The following EFHD1 variants were observed in gnomAD, a reference collection of about 807,000 sequenced individuals.
EFHD1 encodes EF-hand domain family member D1.
EFHD1 carries 10 observed loss-of-function variants against 17.2 expected under a neutral mutation model. The ratio of observed to expected loss-of-function variants is 0.58; its 90% CI spans 0.36 to 0.99. The LOEUF (loss-of-function observed/expected upper bound fraction) is 0.99. Ranked by LOEUF, EFHD1 falls within the 50% of genes least tolerant of loss-of-function variation. The pLI, the probability that EFHD1 is intolerant of heterozygous loss-of-function variation, is 0.01. For synonymous variants in EFHD1, 153 were observed against 142.0 expected, an observed-to-expected ratio of 1.08 and a Z score of -0.55; for missense variants, 310 against 327.5, an observed-to-expected ratio of 0.95 and a Z score of 0.41.
chr2:232,614,072 A>G (rs1327846104), intron 1 of EFHD1, among the ~76,000 whole-genome samples: 1 of 151,816 alleles, frequency 6.6e-6, no homozygotes, highest in African/African-American at 2.4e-5. Flanking sequence ...ATGCACACAC[A>G]TTATACACAC....
intron 2 of EFHD1, among the ~76,000 whole-genome samples, chr2:232,672,011 AT>A (rs1695078078): frequency 6.6e-6 from 1 of 151,104 alleles, no homozygotes; most frequent in South Asian, 2.1e-4. Flanking sequence ...AGCCGAGATC[AT>A]GCCATTGCAC....
chr2:232,646,507 T>C (rs1694532082), intron 1 of EFHD1, among the ~76,000 whole-genome samples: 1 of 139,494 alleles, frequency 7.2e-6, no homozygotes, highest in African/African-American at 2.7e-5. Flanking sequence ...TACAGTGGCA[T>C]GATCTCCGCT....
At chr2:232,618,298 G>A (rs574420312) in intron 1 of EFHD1, among the ~76,000 whole-genome samples, 1 of 152,256 alleles carries the variant, frequency 6.6e-6, no homozygotes, top group South Asian at 2.1e-4. Context: ...AGGATTACAG[G>A]TGTGAGCCAC....
chr2:232,663,244 T>C (rs947479812), intron 2 of EFHD1, among the ~76,000 whole-genome samples: 1 of 152,244 alleles, frequency 6.6e-6, no homozygotes, highest in African/African-American at 2.4e-5. Context: ...GGTGCTTTTA[T>C]AATGTTATGC....
At chr2:232,674,548 C>T (rs1011940676) in intron 3 of EFHD1, among the ~76,000 whole-genome samples, 1 of 152,162 alleles carries the variant, frequency 6.6e-6, no homozygotes, top group African/African-American at 2.4e-5. Context: ...ATTTTTATAA[C>T]TGGAGAAAAG....
chr2:232,665,567 G>A lies in EFHD1; in HGVS notation c.450+2618G>A, dbSNP rs574365755. Among the ~76,000 whole-genome samples the A allele has an allele frequency of 1.3e-3, 191 of 152,202 alleles. 1 individual carries two copies. The highest frequency in any genetic ancestry group is 4.5e-3 in the African/African-American group (185 of 41,542). Reference sequence around the variant, plus strand: ...CTCCTGAGTAGCTGGGACTACAGGCGCATGCCATCATGCCTGGCTAACTTC... The same window carrying A: ...CTCCTGAGTAGCTGGGACTACAGGCACATGCCATCATGCCTGGCTAACTTC... On this transcript the variant is annotated intron_variant, in intron 2 of 3. Transcript: ENST00000264059.
intron 1 of EFHD1, chr2:232,611,994 C>T (rs890073065): frequency 6.6e-6 from 1 of 152,184 alleles, no homozygotes; most frequent in Non-Finnish European, 1.5e-5. Context: ...ATGTGGAAAC[C>T]TTAACAGCAG....
At chr2:232,650,995 C>A (rs1028643115) in intron 1 of EFHD1, among the ~76,000 whole-genome samples, 1 of 152,206 alleles carries the variant, frequency 6.6e-6, no homozygotes, top group Admixed American at 6.5e-5. Flanking sequence ...ATAAGCCTGA[C>A]AGCATTTGAA....
intron 1 of EFHD1, among the ~76,000 whole-genome samples, chr2:232,613,667 C>T (rs545736383): frequency 6.7e-6 from 1 of 149,550 alleles, no homozygotes; most frequent in African/African-American, 2.5e-5. Flanking sequence ...CAAATACACA[C>T]ACACAAATAT....
At chr2:232,623,050 T>A (rs746999061) in intron 1 of EFHD1, among the ~76,000 whole-genome samples, 2 of 152,188 alleles carry the variant, frequency 1.3e-5, no homozygotes, top group Non-Finnish European at 1.5e-5. Context: ...TCTTTTCTTT[T>A]CTTTTCTTTT....
At chr2:232,679,644 T>C (rs1695238169) in intron 3 of EFHD1, among the ~76,000 whole-genome samples, 1 of 149,808 alleles carries the variant, frequency 6.7e-6, no homozygotes, top group African/African-American at 2.5e-5. Flanking sequence ...AGCTCGGGAG[T>C]TCGAGGCTGC....
At chr2:232,637,430 A>G (rs1574711459) in intron 1 of EFHD1, among the ~76,000 whole-genome samples, 1 of 138,212 alleles carries the variant, frequency 7.2e-6, no homozygotes, top group South Asian at 2.2e-4. Flanking sequence ...TGCAAGCTCC[A>G]CCTCTTGGGT....
intron 1 of EFHD1, among the ~76,000 whole-genome samples, chr2:232,621,726 A>G (rs1694022322): frequency 6.6e-6 from 1 of 152,220 alleles, no homozygotes; most frequent in South Asian, 2.1e-4. Context: ...TGCTGGGATT[A>G]CAGGCGTGAG....
At chr2:232,628,572 A>G (rs914455240) in intron 1 of EFHD1, among the ~76,000 whole-genome samples, 4 of 152,182 alleles carry the variant, frequency 2.6e-5, no homozygotes, top group Non-Finnish European at 5.9e-5. Flanking sequence ...CTTGCAGATC[A>G]GACTTTCCCA....
chr2:232,641,803 G>C (rs1030409922), intron 1 of EFHD1, among the ~76,000 whole-genome samples: 1 of 152,210 alleles, frequency 6.6e-6, no homozygotes, highest in South Asian at 2.1e-4. Context: ...CCTCCCATCA[G>C]TGGCCTCAGG....
chr2:232,644,299 G>C (rs1332028552), intron 1 of EFHD1, among the ~76,000 whole-genome samples: 1 of 151,960 alleles, frequency 6.6e-6, no homozygotes, highest in East Asian at 1.9e-4. Flanking sequence ...TTCTCATCGG[G>C]GGTGCCATGC....
intron 1 of EFHD1, chr2:232,638,242 A>G: frequency 2.3e-6 from 1 of 426,026 alleles, no homozygotes; most frequent in Non-Finnish European, 4.8e-6. Flanking sequence ...GCCTCTTTCA[A>G]AGGGAGGCAA....
At chr2:232,634,041 C>T in intron 1 of EFHD1, 35 bp downstream of exon 1, 12 of 1,594,746 alleles carry the variant, frequency 7.5e-6, no homozygotes, top group Non-Finnish European at 9.3e-6. Context: ...GCCCCCGGGA[C>T]CAGGGAGGGA....
At chr2:232,607,446 A>AAAAGT (rs35808431) in intron 1 of EFHD1, among the ~76,000 whole-genome samples, 8,400 of 148,526 alleles carry the variant, frequency 0.057, 310 homozygotes, top group Admixed American at 0.097. Flanking sequence ...AAAAAAAAAA[A>AAAAGT]AGCCTGGCGT....
Sources: allele counts gnomAD v4.1 joint callset (sites outside exome capture counted in the v4.1 genomes callset), GRCh38; gene constraint gnomAD v4.1.1; transcripts MANE v1.5; gene names NCBI Gene and HGNC (gene_info 2026-07-23, HGNC 2026-07-21).